WWOX: variants seen among roughly 807,000 people sequenced by gnomAD.
The protein encoded by WWOX is WW domain-containing oxidoreductase.
WWOX carries 69 observed loss-of-function variants against 46.2 expected under a neutral mutation model. The observed-to-expected ratio is 1.49, with a 90% CI of 1.23 to 1.82. The LOEUF is 1.82. Among genes scored for constraint, WWOX ranks in the 40% most tolerant of loss-of-function variants. The pLI, the probability that WWOX is intolerant of heterozygous loss-of-function variation, is 0.00. For missense variants in WWOX, 919 were observed against 542.6 expected (o/e 1.69, Z -6.89); for synonymous variants, 359 against 202.6 (o/e 1.77, Z -6.56).
intron 8 of WWOX, among the ~76,000 whole-genome samples, chr16:78,476,301 G>C (rs1033114855): frequency 2.0e-5 from 3 of 152,056 alleles, no homozygotes; most frequent in Non-Finnish European, 4.4e-5. Flanking sequence ...CATATCCTTC[G>C]CCCACTTGGG....
At chr16:79,110,041 A>T (rs1288405091) in intron 8 of WWOX, among the ~76,000 whole-genome samples, 1 of 152,180 alleles carries the variant, frequency 6.6e-6, no homozygotes, top group Non-Finnish European at 1.5e-5. Context: ...CTAGCCTGGT[A>T]GATATTGAGC....
chr16:78,846,884 C>T (rs572906298), intron 8 of WWOX, among the ~76,000 whole-genome samples: 3 of 152,274 alleles, frequency 2.0e-5, no homozygotes, highest in South Asian at 4.1e-4. Context: ...ACATGGAAGG[C>T]TGTTTCTTCT....
intron 8 of WWOX, among the ~76,000 whole-genome samples, chr16:78,524,594 T>C (rs979862981): frequency 1.3e-5 from 2 of 151,830 alleles, no homozygotes; most frequent in Non-Finnish European, 1.5e-5. Context: ...CTAATTTTTA[T>C]ATTTTTAGTA....
At chr16:79,157,432 AAAAAG>A (rs796179172) in intron 8 of WWOX, among the ~76,000 whole-genome samples, 1 of 143,220 alleles carries the variant, frequency 7.0e-6, no homozygotes, top group African/African-American at 3.0e-5. Flanking sequence ...CAAAAAAAAA[AAAAAG>A]AAAGAAACCA....
intron 8 of WWOX, among the ~76,000 whole-genome samples, chr16:78,980,133 A>G (rs985868577): frequency 2.0e-5 from 3 of 152,190 alleles, no homozygotes; most frequent in African/African-American, 7.2e-5. Context: ...ATCTCAAATC[A>G]ATCAACCAGT....
chr16:78,720,455 A>G (rs1206978147), intron 8 of WWOX, among the ~76,000 whole-genome samples: 1 of 143,876 alleles, frequency 7.0e-6, no homozygotes, highest in African/African-American at 2.6e-5. Flanking sequence ...CCCAATTTGC[A>G]ATGTTATTTT....
chr16:78,695,499 G>A (rs184296125), intron 8 of WWOX, among the ~76,000 whole-genome samples: 10 of 152,282 alleles, frequency 6.6e-5, no homozygotes, highest in Non-Finnish European at 1.0e-4. Context: ...TCATGGGGGC[G>A]GTTAGCTGAC....
At chr16:78,499,241 G>A (rs2084995739) in intron 8 of WWOX, among the ~76,000 whole-genome samples, 2 of 152,070 alleles carry the variant, frequency 1.3e-5, no homozygotes, top group South Asian at 2.1e-4. Context: ...GGGGTGAGGG[G>A]GCGGAGGTGG....
intron 8 of WWOX, among the ~76,000 whole-genome samples, chr16:78,554,641 A>G (rs1413804358): frequency 6.6e-6 from 1 of 152,154 alleles, no homozygotes; most frequent in Non-Finnish European, 1.5e-5. Context: ...ACAAGAAAAA[A>G]TCCCCAGGAC....
intron 5 of WWOX, among the ~76,000 whole-genome samples, chr16:78,196,639 G>A (rs1403831579): frequency 1.3e-5 from 2 of 152,168 alleles, no homozygotes; most frequent in Non-Finnish European, 2.9e-5. Context: ...CAATTAGGGC[G>A]AACCTTGTCT....
At chr16:78,834,223 C>A (rs766292405) in intron 8 of WWOX, among the ~76,000 whole-genome samples, 1 of 152,092 alleles carries the variant, frequency 6.6e-6, no homozygotes, top group Non-Finnish European at 1.5e-5. Context: ...GAACAGGGCC[C>A]GTGTGTTCTG....
intron 8 of WWOX, among the ~76,000 whole-genome samples, chr16:78,966,267 A>C (rs949626260): frequency 2.6e-5 from 4 of 152,234 alleles, no homozygotes; most frequent in African/African-American, 7.2e-5. Context: ...GATAACAGAC[A>C]TGCTCAGAAA....
chr16:78,795,501 A>C (rs947728187), intron 8 of WWOX, among the ~76,000 whole-genome samples: 5 of 152,144 alleles, frequency 3.3e-5, no homozygotes, highest in African/African-American at 9.7e-5. Context: ...CCTCTACATC[A>C]AACCTGGCTT....
intron 5 of WWOX, among the ~76,000 whole-genome samples, chr16:78,260,555 C>G (rs1017213567): frequency 1.3e-5 from 2 of 151,314 alleles, no homozygotes; most frequent in Admixed American, 6.6e-5. Flanking sequence ...GTAATCCCAC[C>G]TACTTGGGAG....
At chr16:78,858,790 C>A (rs1273226118) in intron 8 of WWOX, among the ~76,000 whole-genome samples, 1 of 151,464 alleles carries the variant, frequency 6.6e-6, no homozygotes, top group East Asian at 2.0e-4. Context: ...GTGATTCTCC[C>A]ATCTCAGCCT....
chr16:78,470,794 G>T (rs1002229983), intron 8 of WWOX, among the ~76,000 whole-genome samples: 3 of 152,146 alleles, frequency 2.0e-5, no homozygotes, highest in African/African-American at 7.2e-5. Flanking sequence ...CTCCCAAAGT[G>T]CTGGGATTAC....
Position 78,365,135 on chromosome 16 carries a change from C to T in WWOX, c.517-21725C>T, listed in dbSNP as rs74027875. On this transcript the variant is annotated intron_variant, in intron 5 of 8. Coordinates refer to ENST00000566780, the MANE Select transcript of WWOX (RefSeq NM_016373.4). ...ACTTGCAAAATGAAGATGCTAATACCTACTTCTTGAAGATGCTGAGGTTGA... is the reference window on the plus strand; with the variant it reads ...ACTTGCAAAATGAAGATGCTAATACTTACTTCTTGAAGATGCTGAGGTTGA... Among the ~76,000 whole-genome samples, 935 of 152,242 alleles carry T rather than the reference C, an allele frequency of 6.1e-3. 14 individuals carry two copies. The highest frequency in any genetic ancestry group is 0.02 in the African/African-American group (828 of 41,538).
intron 8 of WWOX, chr16:78,994,492 G>C (rs1005266154): frequency 1.3e-5 from 2 of 152,170 alleles, no homozygotes; most frequent in African/African-American, 4.8e-5. Context: ...CCGGCACCGA[G>C]GTACTTATCT....
At chr16:78,868,765 C>T (rs1209133550) in intron 8 of WWOX, among the ~76,000 whole-genome samples, 1 of 152,174 alleles carries the variant, frequency 6.6e-6, no homozygotes, top group Admixed American at 6.5e-5. Context: ...GTCTAAAATT[C>T]ACATGCCCCT....
Sources: gnomAD v4.1 joint callset for allele counts (sites outside exome capture counted in the v4.1 genomes callset) on GRCh38, gnomAD v4.1.1 for gene constraint, MANE v1.5 for transcripts, NCBI Gene and HGNC (gene_info 2026-07-23, HGNC 2026-07-21) for gene names.